The following PCDHA6 variants were observed in gnomAD, a reference collection of about 807,000 sequenced individuals.
PCDHA6 encodes the protein protocadherin alpha-6.
A neutral mutation model predicts 60.3 loss-of-function variants in PCDHA6; 55 were observed. That is an observed-to-expected ratio of 0.91 (90% CI 0.73 to 1.14). The LOEUF (loss-of-function observed/expected upper bound fraction) is 1.14, where lower values mean the gene tolerates loss of function less well. PCDHA6 is among the 50% of genes most tolerant of loss of function. PCDHA6 has a pLI of 0.00. For synonymous variants in PCDHA6, 652 were observed against 557.9 expected (o/e 1.17, Z -2.38); for missense variants, 1,327 against 1,256.5 (o/e 1.06, Z -0.85).
At chr5:140,907,430 T>G (rs1554192988) in intron 1 of PCDHA6, among the ~76,000 whole-genome samples, 1 of 152,244 alleles carries the variant, frequency 6.6e-6, no homozygotes, top group Non-Finnish European at 1.5e-5. Context: ...TAAGGCATTC[T>G]GTGAGTCCAC....
chr5:140,939,710 T>A (rs1317905162), intron 1 of PCDHA6, among the ~76,000 whole-genome samples: 8 of 152,230 alleles, frequency 5.3e-5, no homozygotes, highest in Non-Finnish European at 1.2e-4. Context: ...ATTTGTGAGA[T>A]ACATTTATAT....
intron 1 of PCDHA6, chr5:140,869,754 G>A (rs781808579): frequency 1.2e-6 from 2 of 1,613,182 alleles, no homozygotes; most frequent in Admixed American, 1.7e-5. Context: ...CTACAGACGG[G>A]GGAAAACCAG....
chr5:141,000,415 ATATATATTTTTTT>A (rs1176788591), intron 3 of PCDHA6, among the ~76,000 whole-genome samples: 1 of 87,398 alleles, frequency 1.1e-5, no homozygotes, highest in Non-Finnish European at 2.1e-5. Flanking sequence ...ATATATATAT[ATATATATTTTTTT>A]TTTTTTTTTT....
rs2150270222 is a variant in PCDHA6 at position 140,836,801 on chromosome 5, A to C, written c.2394+6316A>C. On this transcript the variant is annotated intron_variant, in intron 1 of 3. Coordinates refer to ENST00000529310, the MANE Select transcript of PCDHA6 (RefSeq NM_018909.4). ...ACAATTAGTTCAATTGGTCTCCTTA[A>C]ATTTTCTTTCATAATTTCTTTTTTA... 27 of 1,338,446 alleles carry C rather than the reference A, an allele frequency of 2.0e-5. No homozygotes were observed. In the Admixed American group the frequency reaches 4.4e-4, roughly 22 times the overall value. 82.9% of individuals were successfully genotyped at this position (1,338,446 alleles called of 1,614,324 possible). A position where few individuals can be genotyped will look rare whatever the true frequency, so the allele number is the denominator to read the frequency against.
At chr5:140,985,739 C>CA (rs781951589) in intron 3 of PCDHA6, among the ~76,000 whole-genome samples, 2 of 117,920 alleles carry the variant, frequency 1.7e-5, no homozygotes, top group Non-Finnish European at 3.4e-5. Flanking sequence ...TGATGAATTC[C>CA]TTTTTTTTTT....
chr5:140,982,705 T>A, intron 3 of PCDHA6, 142 bp downstream of exon 3: 1 of 1,376,850 alleles, frequency 7.3e-7, no homozygotes, highest in Non-Finnish European at 9.5e-7. Flanking sequence ...CATGATTTCC[T>A]TACATATATG....
intron 1 of PCDHA6, among the ~76,000 whole-genome samples, chr5:140,902,203 CT>C (rs148688132): frequency 0.19 from 23,745 of 124,094 alleles, 1,540 homozygotes; most frequent in African/African-American, 0.29. Flanking sequence ...CTCTCTCTTT[CT>C]TTTTTTTTTT....
intron 1 of PCDHA6, chr5:140,881,265 T>C (rs1352186503): frequency 1.7e-6 from 1 of 600,348 alleles, no homozygotes; most frequent in Non-Finnish European, 2.1e-6. Context: ...TACTCAGTGA[T>C]GATGAAGTAA....
intron 1 of PCDHA6, among the ~76,000 whole-genome samples, chr5:140,954,602 A>G (rs2095062634): frequency 6.6e-6 from 1 of 152,120 alleles, no homozygotes; most frequent in South Asian, 2.1e-4. Flanking sequence ...TTCTTTGCCC[A>G]CTTTTTAATG....
chr5:140,874,195 A>C (rs2054770978), intron 1 of PCDHA6, among the ~76,000 whole-genome samples: 1 of 152,222 alleles, frequency 6.6e-6, no homozygotes, highest in Non-Finnish European at 1.5e-5. Flanking sequence ...GTCATATTTC[A>C]GTTGCCTTTA....
At chr5:140,995,510 G>A (rs1554254709) in intron 3 of PCDHA6, among the ~76,000 whole-genome samples, 1 of 152,142 alleles carries the variant, frequency 6.6e-6, no homozygotes, top group African/African-American at 2.4e-5. Flanking sequence ...GTGGGTAACT[G>A]AAGCCTCAGA....
intron 1 of PCDHA6, among the ~76,000 whole-genome samples, chr5:140,845,922 T>A (rs782092112): frequency 6.7e-6 from 1 of 149,778 alleles, no homozygotes; most frequent in Non-Finnish European, 1.5e-5. Flanking sequence ...CTTATTTTTG[T>A]GTAAAACTAT....
At chr5:140,921,744 A>T (rs1554200416) in intron 1 of PCDHA6, among the ~76,000 whole-genome samples, 1 of 152,158 alleles carries the variant, frequency 6.6e-6, no homozygotes. Context: ...TATAAGCATA[A>T]CAGGACACTT....
At chr5:140,919,658 T>G (rs1271844986) in intron 1 of PCDHA6, among the ~76,000 whole-genome samples, 1 of 152,230 alleles carries the variant, frequency 6.6e-6, no homozygotes, top group South Asian at 2.1e-4. Context: ...GTTTACCATA[T>G]ATATTTTAGC....
At chr5:140,992,208 A>G (rs2097499240) in intron 3 of PCDHA6, among the ~76,000 whole-genome samples, 1 of 152,150 alleles carries the variant, frequency 6.6e-6, no homozygotes, top group African/African-American at 2.4e-5. Context: ...AATCAGATAA[A>G]CTACTCTCCC....
intron 1 of PCDHA6, among the ~76,000 whole-genome samples, chr5:140,914,458 A>G (rs1294717004): frequency 6.6e-6 from 1 of 152,004 alleles, no homozygotes; most frequent in Non-Finnish European, 1.5e-5. Flanking sequence ...TTTCCAGTCT[A>G]TGTGTATCTT....
chr5:141,011,221 A>G lies in PCDHA6; in HGVS notation c.*1284A>G, dbSNP rs1392607276. On this transcript the variant is annotated 3_prime_UTR_variant, in exon 4 of 4. Coordinates refer to ENST00000529310, the MANE Select transcript of PCDHA6 (RefSeq NM_018909.4). ...TCTCATACAGTGAGCAGATTTTTCA[A>G]TCTACTAATTCTGTGACTTGTCTTG... is the stretch of plus-strand genomic sequence containing the variant. The G allele has an allele frequency of 1.3e-5, 2 of 153,780 alleles. No individual in the cohort carries two copies. The highest frequency in any genetic ancestry group is 4.8e-5 in the African/African-American group (2 of 41,464). 9.5% of individuals were successfully genotyped at this position (153,780 alleles called of 1,614,324 possible).
At chr5:140,836,314 G>T (rs2150257460) in intron 1 of PCDHA6, 2 of 1,613,658 alleles carry the variant, frequency 1.2e-6, no homozygotes, top group South Asian at 1.1e-5. Flanking sequence ...GACGCACCGC[G>T]CCACCGCCTT....
intron 1 of PCDHA6, chr5:140,969,351 G>T: frequency 6.2e-7 from 1 of 1,612,990 alleles, no homozygotes; most frequent in Non-Finnish European, 8.5e-7. Flanking sequence ...TGGTCAGGGG[G>T]TCTTCTACAA....
Sources: allele counts gnomAD v4.1 joint callset (sites outside exome capture counted in the v4.1 genomes callset), GRCh38; gene constraint gnomAD v4.1.1; transcripts MANE v1.5; gene names NCBI Gene and HGNC (gene_info 2026-07-23, HGNC 2026-07-21).